FMN1: variants seen among roughly 807,000 people sequenced by gnomAD.
FMN1 encodes the protein formin-1.
A neutral mutation model predicts 132.4 loss-of-function variants in FMN1; 110 were observed. The ratio of observed to expected loss-of-function variants is 0.83; its 90% CI spans 0.71 to 0.97. The LOEUF (loss-of-function observed/expected upper bound fraction) is 0.97, where lower values mean the gene tolerates loss of function less well. FMN1 is among the 50% of genes least tolerant of loss of function. FMN1 has a pLI of 0.00. For missense variants in FMN1, 1,792 were observed against 1,705.3 expected, an observed-to-expected ratio of 1.05 and a Z score of -0.90; for synonymous variants, 722 against 651.7, an observed-to-expected ratio of 1.11 and a Z score of -1.64.
At chr15:32,808,441 G>A (rs1165755995) in intron 17 of FMN1, among the ~76,000 whole-genome samples, 1 of 152,212 alleles carries the variant, frequency 6.6e-6, no homozygotes, top group African/African-American at 2.4e-5. Flanking sequence ...GTCATGCCAT[G>A]GCTGCTGGGG....
At chr15:32,868,340 G>A (rs1293156879) in intron 16 of FMN1, among the ~76,000 whole-genome samples, 1 of 152,136 alleles carries the variant, frequency 6.6e-6, no homozygotes, top group Non-Finnish European at 1.5e-5. Flanking sequence ...GTAATATACT[G>A]TTAACTATAT....
At chr15:33,120,878 C>CAAG (rs2140172375) in intron 4 of FMN1, among the ~76,000 whole-genome samples, 1 of 152,254 alleles carries the variant, frequency 6.6e-6, no homozygotes, top group East Asian at 1.9e-4. Flanking sequence ...CTCCAGGACT[C>CAAG]TTTCTTCTGA....
At chr15:33,175,341 T>C (rs1260515501) in intron 3 of FMN1, among the ~76,000 whole-genome samples, 1 of 152,178 alleles carries the variant, frequency 6.6e-6, no homozygotes, top group African/African-American at 2.4e-5. Context: ...AGTGCTAGGA[T>C]TACAGGCGTA....
intron 9 of FMN1, among the ~76,000 whole-genome samples, chr15:32,950,864 CT>C (rs1227462106): frequency 6.6e-6 from 1 of 152,128 alleles, no homozygotes; most frequent in African/African-American, 2.4e-5. Context: ...GTTTTCAATA[CT>C]GTTAGTTATC....
At chr15:33,097,797 T>C (rs1181702144) in intron 4 of FMN1, among the ~76,000 whole-genome samples, 4 of 152,208 alleles carry the variant, frequency 2.6e-5, no homozygotes, top group African/African-American at 7.2e-5. Context: ...AATAATTACA[T>C]AAATAGACAC....
intron 4 of FMN1, among the ~76,000 whole-genome samples, chr15:33,103,216 T>TA (rs2039359829): frequency 6.6e-6 from 1 of 152,152 alleles, no homozygotes; most frequent in South Asian, 2.1e-4. Flanking sequence ...GAACACTTAC[T>TA]ATTGAGCTTA....
At chr15:33,177,797 G>C (rs1965564457) in intron 3 of FMN1, among the ~76,000 whole-genome samples, 1 of 152,184 alleles carries the variant, frequency 6.6e-6, no homozygotes, top group Non-Finnish European at 1.5e-5. Flanking sequence ...ATGAGGTCAG[G>C]AGTTCGAGAC....
At chr15:32,852,619 G>A (rs56897107) in intron 17 of FMN1, among the ~76,000 whole-genome samples, 2,032 of 152,090 alleles carry the variant, frequency 0.013, 41 homozygotes, top group African/African-American at 0.047. Context: ...CTCCTACCTC[G>A]GCTTTGCCAT....
intron 6 of FMN1, among the ~76,000 whole-genome samples, chr15:33,008,883 T>C (rs1363012125): frequency 6.6e-6 from 1 of 152,158 alleles, no homozygotes; most frequent in East Asian, 1.9e-4. Context: ...GATAAGCCAA[T>C]TATTTTACAA....
intron 7 of FMN1, among the ~76,000 whole-genome samples, chr15:32,981,318 C>A (rs1311855838): frequency 6.6e-6 from 1 of 151,608 alleles, no homozygotes; most frequent in Non-Finnish European, 1.5e-5. Context: ...GGTGAAACTG[C>A]GTCTCTACTA....
chr15:32,989,396 C>A (rs980586516), intron 7 of FMN1, among the ~76,000 whole-genome samples: 1 of 152,072 alleles, frequency 6.6e-6, no homozygotes, highest in Non-Finnish European at 1.5e-5. Context: ...GATGAGGAAC[C>A]CTTGCAGGGC....
chr15:32,836,157 A>T (rs1262765625), intron 17 of FMN1, among the ~76,000 whole-genome samples: 1 of 152,084 alleles, frequency 6.6e-6, no homozygotes, highest in African/African-American at 2.4e-5. Flanking sequence ...GACTGCTCAC[A>T]GCTGGGATTA....
At chr15:32,929,501 C>G (rs1015190122) in intron 9 of FMN1, among the ~76,000 whole-genome samples, 1 of 152,130 alleles carries the variant, frequency 6.6e-6, no homozygotes, top group African/African-American at 2.4e-5. Context: ...TTATTAACCA[C>G]AAGCACAATG....
intron 6 of FMN1, among the ~76,000 whole-genome samples, chr15:33,017,400 G>A (rs1006225532): frequency 5.0e-5 from 7 of 139,782 alleles, no homozygotes; most frequent in African/African-American, 1.9e-4. Flanking sequence ...GTGGTATGTG[G>A]GCGCAGTAGA....
At chr15:33,175,546 T>G (rs897670912) in intron 3 of FMN1, among the ~76,000 whole-genome samples, 1 of 152,148 alleles carries the variant, frequency 6.6e-6, no homozygotes, top group South Asian at 2.1e-4. Flanking sequence ...GAGCCCCTAT[T>G]TCTCTATATC....
intron 6 of FMN1, among the ~76,000 whole-genome samples, chr15:33,029,652 G>A (rs1285360867): frequency 6.6e-6 from 1 of 152,044 alleles, no homozygotes; most frequent in Non-Finnish European, 1.5e-5. Context: ...GAAGGCAATG[G>A]GGTAAAGAAA....
intron 6 of FMN1, chr15:33,012,733 G>A (rs2034799493): frequency 1.3e-6 from 1 of 750,590 alleles, no homozygotes; most frequent in South Asian, 1.3e-5. Context: ...TGGTGGCCAT[G>A]GAGGTGGTTT....
At chr15:32,837,950 A>C (rs1567246967) in intron 17 of FMN1, among the ~76,000 whole-genome samples, 1 of 152,194 alleles carries the variant, frequency 6.6e-6, no homozygotes, top group Non-Finnish European at 1.5e-5. Context: ...AATGGATCCC[A>C]AGTGCTATTG....
intron 6 of FMN1, among the ~76,000 whole-genome samples, chr15:33,050,204 T>C (rs57517475): frequency 0.026 from 4,011 of 152,288 alleles, 189 homozygotes; most frequent in African/African-American, 0.092. Flanking sequence ...TCTCAACTTA[T>C]GTTTATCAGA....
Sources: allele counts gnomAD v4.1 joint callset (sites outside exome capture counted in the v4.1 genomes callset), GRCh38; gene constraint gnomAD v4.1.1; transcripts MANE v1.5; gene names NCBI Gene and HGNC (gene_info 2026-07-23, HGNC 2026-07-21).